Variants in VWCE observed in about 807,000 individuals in gnomAD.
VWCE encodes von Willebrand factor C and EGF domains, also known as von Willebrand factor C and EGF domain-containing protein.
VWCE carries 68 observed loss-of-function variants against 102.9 expected under a neutral mutation model. That is an observed-to-expected ratio of 0.66 (90% CI 0.54 to 0.81). The LOEUF is 0.81. VWCE is among the 30% of genes least tolerant of loss of function. The pLI is 0.00. For synonymous variants in VWCE, 497 were observed against 515.4 expected (o/e 0.96, Z 0.48); for missense variants, 1,137 against 1,263.6 (o/e 0.90, Z 1.52).
intron 19 of VWCE, among the ~76,000 whole-genome samples, chr11:61,263,920 G>A (rs1211730587): frequency 3.9e-5 from 6 of 152,210 alleles, no homozygotes; most frequent in African/African-American, 1.4e-4. Flanking sequence ...TAAGAAAGGG[G>A]ATAAAGAAGA....
At chr11:61,287,665 C>T (rs1590655896) in intron 4 of VWCE, among the ~76,000 whole-genome samples, 1 of 152,322 alleles carries the variant, frequency 6.6e-6, no homozygotes, top group Middle Eastern at 3.4e-3. Flanking sequence ...GACAGACTGG[C>T]CCAGGCAGGC....
chr11:61,284,278 C>A (rs1348001605), intron 5 of VWCE, among the ~76,000 whole-genome samples: 4 of 152,076 alleles, frequency 2.6e-5, no homozygotes. Context: ...TTTCCTTAAG[C>A]CTCAGTGTTC....
intron 16 of VWCE, among the ~76,000 whole-genome samples, chr11:61,265,783 C>A (rs1854495375): frequency 6.6e-6 from 1 of 152,246 alleles, no homozygotes; most frequent in Non-Finnish European, 1.5e-5. Flanking sequence ...TGGTGGCTCA[C>A]ACCTGTAATC....
At chr11:61,288,468 T>C (rs1855401917) in intron 4 of VWCE, among the ~76,000 whole-genome samples, 1 of 152,094 alleles carries the variant, frequency 6.6e-6, no homozygotes, top group African/African-American at 2.4e-5. Context: ...ACCCAGCAGC[T>C]ACCCACTCTT....
At chr11:61,268,473 G>A (rs1854577800) in intron 15 of VWCE, among the ~76,000 whole-genome samples, 1 of 152,208 alleles carries the variant, frequency 6.6e-6, no homozygotes, top group Non-Finnish European at 1.5e-5. Context: ...AGAATCACTT[G>A]AACCCGGGAG....
chr11:61,272,248 TCA>T (rs1289852878), intron 13 of VWCE, among the ~76,000 whole-genome samples: 9 of 149,046 alleles, frequency 6.0e-5, no homozygotes, highest in African/African-American at 1.2e-4. Context: ...CAGATACAAC[TCA>T]CACAGACACA....
At position 61,266,238 on chromosome 11, in the gene VWCE, A is replaced by G. The variant is rs58611773; in HGVS notation, c.1966-1026T>C. Reference sequence around the variant, plus strand: ...AAATTTTTTAGCTACATTTTTAAAAAAGCTAAAAACAAAATTTTTGGCTGG... The same window carrying G: ...AAATTTTTTAGCTACATTTTTAAAAGAGCTAAAAACAAAATTTTTGGCTGG... On this transcript the variant is annotated intron_variant, in intron 16 of 19. Transcript: ENST00000335613. Among the ~76,000 whole-genome samples the G allele has an allele frequency of 2.5e-3, 375 of 152,196 alleles. 1 individual carries two copies. The highest frequency in any genetic ancestry group is 8.6e-3 in the African/African-American group (356 of 41,542).
At position 61,281,853 on chromosome 11, in the gene VWCE, G is replaced by A. The variant is rs1388924162; in HGVS notation, c.720C>T (p.Thr240=). The change falls in exon 7 of 20, where the codon ACC becomes ACT. Residue 240 remains threonine (T), a synonymous_variant. Transcript: ENST00000335613. Reference sequence around the variant, plus strand: ...GGCATGTGCATAGGAAGCTGCCCACGGTGTTGTGGCAGGAATGGTGACAGA... The same window carrying A: ...GGCATGTGCATAGGAAGCTGCCCACAGTGTTGTGGCAGGAATGGTGACAGA... ...RRVCHHSCHN[T]VGSFLCTCRP... is the part of the protein sequence containing the mutation. 4 of 1,613,960 alleles carry A rather than the reference G, an allele frequency of 2.5e-6. No individual in the cohort carries two copies. The highest frequency in any genetic ancestry group is 1.7e-4 in the Middle Eastern group (1 of 6,058).
chr11:61,261,517 A>G (rs896163477), intron 19 of VWCE, among the ~76,000 whole-genome samples: 3 of 151,976 alleles, frequency 2.0e-5, no homozygotes, highest in African/African-American at 7.3e-5. Context: ...CCAAGGCGGG[A>G]CGATTGCTTG....
At position 61,291,351 on chromosome 11, in the gene VWCE, G is replaced by T; in HGVS notation, c.208C>A (p.Leu70Ile). ...CCACTCCCACAGCCGAAGGAGCAGA[G>T]GGCTGAGAGGAGAAGTGCAGGTGAG... ...SMGGGHCTLP[L>I]CSFGCGSGIC... Residue 70 changes from leucine (L) to isoleucine (I), a missense_variant and splice_region_variant, in exon 3 of 20, where the codon CTC becomes ATC. Around this residue, in one of 5 missense-constraint regions of VWCE, gnomAD observed 575 missense variants for 625.9 expected, o/e 0.92. Transcript: ENST00000335613. The T allele has an allele frequency of 1.2e-6, 2 of 1,612,758 alleles. No individual in the cohort carries two copies. Among genetic ancestry groups the T allele is most frequent in the Admixed American group, 1.7e-5 (1 of 59,860 alleles).
At position 61,273,323 on chromosome 11, in the gene VWCE, G is replaced by A. The variant is rs1216159695; in HGVS notation, c.1582-7C>T. 4.4e-6 allele frequency: 7 copies of A among 1,606,114 alleles called. No homozygotes were observed. The highest frequency in any genetic ancestry group is 6.0e-6 in the Non-Finnish European group (7 of 1,175,910). On this transcript the variant is annotated splice_region_variant and splice_polypyrimidine_tract_variant and intron_variant, in intron 12 of 19. Transcript: ENST00000335613. ...AGCACTCCACCTCCCCATTCTGGAA[G>A]AGAGCCCAGGCACAGAATGATGAGG...
intron 5 of VWCE, among the ~76,000 whole-genome samples, chr11:61,283,540 T>C (rs1288247184): frequency 6.6e-6 from 1 of 152,150 alleles, no homozygotes; most frequent in Non-Finnish European, 1.5e-5. Flanking sequence ...GCCTCCCAAG[T>C]AGTTGGGATT....
Position 61,291,324 on chromosome 11 carries a change from T to G in VWCE, c.235A>C (p.Ile79Leu), listed in dbSNP as rs1451223278. The G allele has an allele frequency of 6.2e-7, 1 of 1,612,838 alleles. No homozygotes were observed. Among genetic ancestry groups the G allele is most frequent in the Non-Finnish European group, 8.5e-7 (1 of 1,179,432 alleles). ...PLCSFGCGSG[I>L]CIAPNVCSCQ... ...GAGCAGACATTGGGAGCGATGCAGA[T>G]GCCACTCCCACAGCCGAAGGAGCAG... The change falls in exon 3 of 20, where the codon ATC becomes CTC. Residue 79 changes from isoleucine to leucine, a missense_variant. Around this residue, in one of 5 missense-constraint regions of VWCE, gnomAD observed 575 missense variants for 625.9 expected, o/e 0.92. Coordinates refer to ENST00000335613, the MANE Select transcript of VWCE (RefSeq NM_152718.2).
intron 12 of VWCE, chr11:61,273,571 C>T (rs188654728): frequency 9.3e-5 from 47 of 504,018 alleles, no homozygotes; most frequent in African/African-American, 8.6e-4. Context: ...ACGGCCTTCA[C>T]CATCTCTCAC....
At position 61,264,981 on chromosome 11, in the gene VWCE, T is replaced by G; in HGVS notation, c.2114A>C (p.Glu705Ala). The G allele has an allele frequency of 6.2e-7, 1 of 1,614,018 alleles. No homozygotes were observed. The highest frequency in any genetic ancestry group is 1.1e-5 in the South Asian group (1 of 91,076). ...ANGQVFTLDD[E>A]PCTRCTCQLG... ...CTGGCACGTGCACCGGGTGCAGGGT[T>G]CATCATCCAAGGTGAACACCTGGCC... Residue 705 changes from glutamate to alanine, a missense_variant, in exon 18 of 20, where the codon GAA (glutamate) becomes GCA (alanine). Around this residue, in one of 5 missense-constraint regions of VWCE, gnomAD observed 29 missense variants for 62.9 expected, o/e 0.46. Coordinates refer to ENST00000335613, the MANE Select transcript of VWCE (RefSeq NM_152718.2).
intron 13 of VWCE, among the ~76,000 whole-genome samples, chr11:61,272,815 AACAGAC>A (rs1215625088): frequency 6.6e-6 from 1 of 150,764 alleles, no homozygotes; most frequent in African/African-American, 2.4e-5. Flanking sequence ...ATGCAGACAC[AACAGAC>A]ACAAAGATGC....
At position 61,286,405 on chromosome 11, in the gene VWCE, G is replaced by C; in HGVS notation, c.450C>G (p.Ser150=). The change falls in exon 5 of 20, where the codon TCC becomes TCG. Residue 150 remains serine (S), a synonymous_variant. Transcript: ENST00000335613. ...CTGTGTTCACACAGTGGCCCTCGCAGGAGGAGGTTACACATTCGTCAATGT... is the reference window on the plus strand; with the variant it reads ...CTGTGTTCACACAGTGGCCCTCGCACGAGGAGGTTACACATTCGTCAATGT... ...CTDIDECVTS[S]CEGHCVNTEG... The C allele has an allele frequency of 6.2e-7, 1 of 1,612,754 alleles. No homozygotes were observed. The highest frequency in any genetic ancestry group is 8.5e-7 in the Non-Finnish European group (1 of 1,180,018).
At position 61,291,274 on chromosome 11, in the gene VWCE, G is replaced by A. The variant is rs748575493; in HGVS notation, c.285C>T (p.Ala95=). 1.3e-5 allele frequency: 20 copies of A among 1,585,924 alleles called. No homozygotes were observed. Among genetic ancestry groups the A allele is most frequent in the Non-Finnish European group, 1.5e-5 (18 of 1,164,806 alleles). The change falls in exon 3 of 20, where the codon GCC becomes GCT. Residue 95 remains alanine, a synonymous_variant. Transcript: ENST00000335613. The part of the protein sequence containing the change: ...VCSCQDGEQG[A]TCPETHGPCG... ...CCCATCCCCAGTTACCTGGGCAGGT[G>A]GCCCCTTGCTCTCCATCCTGGCAGG... is the stretch of plus-strand genomic sequence containing the variant.
In VWCE at chr11:61,290,916, G is replaced by A. The variant is rs773557397; in HGVS notation, c.307C>T (p.Pro103Ser). Residue 103 changes from proline (P) to serine (S), a missense_variant, in exon 4 of 20, where the codon CCA becomes TCA. Physicochemically the swap from Pro to Ser is moderately conservative, Grantham distance 74. Around this residue, in one of 5 missense-constraint regions of VWCE, gnomAD observed 575 missense variants for 625.9 expected, o/e 0.92. Coordinates refer to ENST00000335613, the MANE Select transcript of VWCE (RefSeq NM_152718.2). ...AGGTCACAGCCGTACTCCCCACATGGTCCATGGGTTTCTAGAGCAGGCATC... is the reference window on the plus strand; with the variant it reads ...AGGTCACAGCCGTACTCCCCACATGATCCATGGGTTTCTAGAGCAGGCATC... ...QGATCPETHG[P>S]CGEYGCDLTC... is the part of the protein sequence containing the mutation. 3 of 1,613,404 alleles carry A rather than the reference G, an allele frequency of 1.9e-6. No homozygotes were observed. In the African/African-American group the frequency reaches 4.0e-5, roughly 22 times the overall value.
Sources: allele counts gnomAD v4.1 joint callset (sites outside exome capture counted in the v4.1 genomes callset), GRCh38; gene constraint gnomAD v4.1.1; regional missense constraint gnomAD v4.1.1; transcripts MANE v1.5; gene names NCBI Gene and HGNC (gene_info 2026-07-23, HGNC 2026-07-21).